PCDHA6: variants seen among roughly 807,000 people sequenced by gnomAD.
PCDHA6 encodes the protein protocadherin alpha 6.
PCDHA6 carries 55 observed loss-of-function variants against 60.3 expected under a neutral mutation model. The observed-to-expected ratio is 0.91, with a 90% CI of 0.73 to 1.14. The LOEUF is 1.14. Among genes scored for constraint, PCDHA6 ranks in the 50% most tolerant of loss-of-function variants. The pLI is 0.00. For synonymous variants in PCDHA6, 652 were observed against 557.9 expected (o/e 1.17, Z -2.38); for missense variants, 1,327 against 1,256.5 (o/e 1.06, Z -0.85).
At chr5:140,967,066 C>A (rs782715200) in intron 1 of PCDHA6, 2 of 1,612,908 alleles carry the variant, frequency 1.2e-6, no homozygotes, top group Non-Finnish European at 1.7e-6. Context: ...GAGCGCTCTT[C>A]GTCAACGAGC....
At chr5:140,889,213 G>A (rs1463412254) in intron 1 of PCDHA6, among the ~76,000 whole-genome samples, 1 of 151,602 alleles carries the variant, frequency 6.6e-6, no homozygotes, top group African/African-American at 2.4e-5. Context: ...TAACAAAGAA[G>A]AATAGTCTTT....
At chr5:140,851,235 T>C (rs2041998909) in intron 1 of PCDHA6, 4 of 1,129,042 alleles carry the variant, frequency 3.5e-6, no homozygotes, top group Non-Finnish European at 4.5e-6. Flanking sequence ...CATTTATTTA[T>C]TGCTAAATGA....
chr5:140,893,954 T>C (rs115606551), intron 1 of PCDHA6, among the ~76,000 whole-genome samples: 1,862 of 152,344 alleles, frequency 0.012, 45 homozygotes, highest in African/African-American at 0.042. Flanking sequence ...CATGACTTTA[T>C]TAGTCATTAG....
chr5:140,907,009 C>A (rs2193983), intron 1 of PCDHA6, among the ~76,000 whole-genome samples: 26,809 of 152,052 alleles, frequency 0.18, 2,652 homozygotes, highest in African/African-American at 0.27. Flanking sequence ...GGAACTAAGA[C>A]CTCTAGGCCA....
At chr5:140,992,918 A>C (rs1362238628) in intron 3 of PCDHA6, among the ~76,000 whole-genome samples, 2 of 152,186 alleles carry the variant, frequency 1.3e-5, no homozygotes, top group Non-Finnish European at 2.9e-5. Context: ...GGCCCTCTCC[A>C]TACTTACAGC....
intron 1 of PCDHA6, among the ~76,000 whole-genome samples, chr5:140,953,052 C>T (rs2094839858): frequency 6.6e-6 from 1 of 152,206 alleles, no homozygotes; most frequent in Non-Finnish European, 1.5e-5. Flanking sequence ...ATCCAATCAC[C>T]TCTCACAGGC....
chr5:140,870,344 G>C, intron 1 of PCDHA6: 1 of 1,614,196 alleles, frequency 6.2e-7, no homozygotes, highest in Non-Finnish European at 8.5e-7. Flanking sequence ...GCCCTGGACC[G>C]CGAGAACGTG....
rs782133322 is a variant in PCDHA6, at chr5:140,828,176, G to C, written c.85G>C (p.Gly29Arg). 6.2e-7 allele frequency: 1 copy of C among 1,614,128 alleles called. No homozygotes were observed. The highest frequency in any genetic ancestry group is 1.3e-5 in the African/African-American group (1 of 75,054). Residue 29 changes from glycine (G) to arginine (R), a missense_variant, in exon 1 of 4, where the codon GGC (glycine) becomes CGC (arginine). Transcript: ENST00000529310. ...CCTCGCAGCCTGGAAGGTGGGGAGC[G>C]GCCAGCTCCACTACTCCGTACCCGA... is the stretch of plus-strand genomic sequence containing the variant. The part of the protein sequence containing the change: ...LLLAAWKVGS[G>R]QLHYSVPEEA...
At position 140,863,735 on chromosome 5, in the gene PCDHA6, C is replaced by T. The variant is rs189909313; in HGVS notation, c.2394+33250C>T. On this transcript the variant is annotated intron_variant, in intron 1 of 3. Transcript: ENST00000529310. ...TGGGGCCGGGTGCGGTAGCTCATGC[C>T]TATTTGTAATCCCGGCACTTTGGGA... The T allele has an allele frequency of 4.8e-3, 1,219 of 255,524 alleles. 5 individuals are homozygous for T. Among genetic ancestry groups the T allele is most frequent in the Non-Finnish European group, 6.2e-3 (808 of 129,746 alleles). The allele number at this position is 255,524 out of a possible 1,614,324, so 15.8% of individuals were successfully genotyped here. A position where few individuals can be genotyped will look rare whatever the true frequency, so the allele number is the denominator to read the frequency against.
At chr5:140,876,637 C>G (rs1554168755) in intron 1 of PCDHA6, 1 of 1,614,088 alleles carries the variant, frequency 6.2e-7, no homozygotes, top group Non-Finnish European at 8.5e-7. Flanking sequence ...CATCTGCTCA[C>G]TGACACCTCA....
At position 140,870,584 on chromosome 5, in the gene PCDHA6, T is replaced by C. The variant is rs782563992; in HGVS notation, c.2394+40099T>C. The C allele has an allele frequency of 2.5e-6, 4 of 1,613,672 alleles. No homozygotes were observed. In the African/African-American group the frequency reaches 5.3e-5, roughly 22 times the overall value. On this transcript the variant is annotated intron_variant, in intron 1 of 3. Coordinates refer to ENST00000529310, the MANE Select transcript of PCDHA6 (RefSeq NM_018909.4). ...AACGCGCTGGTGTCCTACTCGCTGG[T>C]GGAGCGGCGGTTGGGCGACCGCGCG...
intron 1 of PCDHA6, among the ~76,000 whole-genome samples, chr5:140,924,565 T>A (rs1213361312): frequency 2.0e-5 from 3 of 152,102 alleles, no homozygotes; most frequent in Admixed American, 2.0e-4. Flanking sequence ...TAATCAGCAA[T>A]TTTTAAATGT....
At chr5:140,948,861 A>G (rs1298940496) in intron 1 of PCDHA6, among the ~76,000 whole-genome samples, 1 of 151,528 alleles carries the variant, frequency 6.6e-6, no homozygotes, top group African/African-American at 2.4e-5. Flanking sequence ...TTCTTATATT[A>G]CTTCGGGTTT....
chr5:140,902,258 G>A (rs1389556264), intron 1 of PCDHA6, among the ~76,000 whole-genome samples: 2 of 137,592 alleles, frequency 1.5e-5, no homozygotes, highest in African/African-American at 5.6e-5. Context: ...GGCTGGTCTC[G>A]AACTCCTGGG....
rs782428365 is a variant in PCDHA6 at position 140,927,400 on chromosome 5, C to T, written c.2395-51549C>T. 7 of 1,614,126 alleles carry T rather than the reference C, an allele frequency of 4.3e-6. No homozygotes were observed. In the South Asian group the frequency reaches 5.5e-5, roughly 13 times the overall value. On this transcript the variant is annotated intron_variant, in intron 1 of 3. Transcript: ENST00000529310. ...CAGCCTAAGCCCCAGTCAGCACTTT[C>T]GCCTGGACATGGGATCGCGGGTTGA...
chr5:140,926,441 A>G (rs1476576189), intron 1 of PCDHA6: 1 of 154,800 alleles, frequency 6.5e-6, no homozygotes, highest in African/African-American at 2.4e-5. Context: ...AGATCTGGGC[A>G]GCCTCAGGGC....
At chr5:140,989,296 G>A (rs1587341853) in intron 3 of PCDHA6, among the ~76,000 whole-genome samples, 1 of 152,128 alleles carries the variant, frequency 6.6e-6, no homozygotes, top group South Asian at 2.1e-4. Context: ...TGTCACAAAG[G>A]GCCAAGGAAG....
intron 3 of PCDHA6, among the ~76,000 whole-genome samples, chr5:140,992,118 G>C (rs1554252679): frequency 1.3e-5 from 2 of 151,650 alleles, no homozygotes; most frequent in Non-Finnish European, 2.9e-5. Flanking sequence ...ATGTGTCATG[G>C]AAGAACAGTG....
chr5:140,848,547 C>G, intron 1 of PCDHA6: 1 of 1,595,512 alleles, frequency 6.3e-7, no homozygotes, highest in Non-Finnish European at 8.6e-7. Flanking sequence ...ACTGCTCTCG[C>G]TTCTGATCCT....
Sources: allele counts gnomAD v4.1 joint callset (sites outside exome capture counted in the v4.1 genomes callset), GRCh38; gene constraint gnomAD v4.1.1; transcripts MANE v1.5; gene names NCBI Gene and HGNC (gene_info 2026-07-23, HGNC 2026-07-21).